Variants in ADAM22 observed in about 807,000 individuals in gnomAD.
ADAM22 encodes the protein ADAM metallopeptidase domain 22, also known as disintegrin and metalloproteinase domain-containing protein 22.
Under a neutral mutation model 144.6 loss-of-function variants are expected in ADAM22, and 65 were observed. The ratio of observed to expected loss-of-function variants is 0.45; its 90% CI spans 0.37 to 0.55. The LOEUF (loss-of-function observed/expected upper bound fraction) is 0.55. Among genes scored for constraint, ADAM22 ranks in the 20% least tolerant of loss-of-function variants. The probability of loss-of-function intolerance (pLI) is 0.00; values close to 1 mark genes in which losing one functional copy is unlikely to be tolerated. For synonymous variants in ADAM22, 391 were observed against 412.6 expected (o/e 0.95, Z 0.63); for missense variants, 974 against 1,184.9 (o/e 0.82, Z 2.61).
intron 23 of ADAM22, among the ~76,000 whole-genome samples, chr7:88,163,471 A>T (rs1842243652): frequency 6.6e-6 from 1 of 152,038 alleles, no homozygotes; most frequent in African/African-American, 2.4e-5. Flanking sequence ...GAACTAGGAG[A>T]TAAATTTTAA....
intron 4 of ADAM22, among the ~76,000 whole-genome samples, chr7:88,090,281 G>A (rs547213779): frequency 1.3e-5 from 2 of 152,282 alleles, no homozygotes; most frequent in South Asian, 4.1e-4. Flanking sequence ...TCAGGTGCAG[G>A]TGTTACAGGT....
Position 88,131,323 on chromosome 7 carries a change from G to T in ADAM22, c.880G>T (p.Ala294Ser). Residue 294 changes from alanine to serine, a missense_variant, in exon 11 of 32, where the codon GCG (alanine) becomes TCG (serine). Physicochemically the swap from Ala to Ser is moderately conservative, Grantham distance 99. Transcript: ENST00000413139. ...AGTATTGGTTGCTATGGAAACCTGG[G>T]CGACTGACAACAAGTTTGCCATATC... ...RIVLVAMETW[A>S]TDNKFAISEN... The T allele has an allele frequency of 6.2e-7, 1 of 1,613,610 alleles. No individual in the cohort carries two copies. The highest frequency in any genetic ancestry group is 8.5e-7 in the Non-Finnish European group (1 of 1,179,812).
intron 26 of ADAM22, among the ~76,000 whole-genome samples, chr7:88,173,988 G>A (rs996355607): frequency 3.3e-5 from 5 of 152,050 alleles, no homozygotes; most frequent in East Asian, 1.9e-4. Context: ...TGGAAATGTC[G>A]GTGAATGTAA....
intron 3 of ADAM22, among the ~76,000 whole-genome samples, chr7:88,059,770 A>G (rs887649312): frequency 6.6e-6 from 1 of 152,252 alleles, no homozygotes; most frequent in African/African-American, 2.4e-5. Flanking sequence ...AAACAAAAAA[A>G]GAAATACTGC....
intron 3 of ADAM22, among the ~76,000 whole-genome samples, chr7:88,063,414 A>G (rs1468593260): frequency 1.3e-5 from 2 of 152,236 alleles, no homozygotes; most frequent in South Asian, 2.1e-4. Context: ...AGGAGAGACA[A>G]GATAAAAACT....
intron 26 of ADAM22, among the ~76,000 whole-genome samples, chr7:88,173,236 T>C (rs1844788370): frequency 6.6e-6 from 1 of 152,080 alleles, no homozygotes; most frequent in Admixed American, 6.6e-5. Flanking sequence ...ATCTCCTTTA[T>C]GTGCCTGATA....
chr7:88,050,870 T>C (rs1156532651), intron 3 of ADAM22, among the ~76,000 whole-genome samples: 2 of 152,200 alleles, frequency 1.3e-5, no homozygotes, highest in African/African-American at 4.8e-5. Flanking sequence ...TTAATTAGAT[T>C]CCATTTGTCA....
intron 30 of ADAM22, among the ~76,000 whole-genome samples, chr7:88,191,330 C>G (rs1849579018): frequency 6.6e-6 from 1 of 152,206 alleles, no homozygotes; most frequent in African/African-American, 2.4e-5. Flanking sequence ...AAGCTAAAAG[C>G]TAATAGCTAA....
At chr7:88,146,399 A>G (rs1382943856) in intron 17 of ADAM22, among the ~76,000 whole-genome samples, 3 of 152,250 alleles carry the variant, frequency 2.0e-5, no homozygotes, top group African/African-American at 7.2e-5. Flanking sequence ...GCCAGAGATT[A>G]TGCTAAGGAC....
intron 3 of ADAM22, among the ~76,000 whole-genome samples, chr7:87,994,972 C>T (rs1211408029): frequency 6.6e-6 from 1 of 152,140 alleles, no homozygotes; most frequent in Non-Finnish European, 1.5e-5. Context: ...GGAATACAGG[C>T]GCCTGCCACC....
chr7:88,120,541 G>A (rs779989580), intron 7 of ADAM22, among the ~76,000 whole-genome samples: 40 of 152,226 alleles, frequency 2.6e-4, no homozygotes, highest in Non-Finnish European at 5.1e-4. Context: ...AGTGTATGTG[G>A]TGGTATCTCA....
At chr7:88,054,588 C>G (rs1393508818) in intron 3 of ADAM22, among the ~76,000 whole-genome samples, 2 of 132,170 alleles carry the variant, frequency 1.5e-5, no homozygotes, top group Non-Finnish European at 3.2e-5. Context: ...AGGTGCCCTC[C>G]TGTGTGTGTG....
intron 8 of ADAM22, among the ~76,000 whole-genome samples, chr7:88,127,719 A>C (rs1369270217): frequency 1.3e-5 from 2 of 152,026 alleles, no homozygotes; most frequent in African/African-American, 4.8e-5. Context: ...GTTTGATTGT[A>C]TACCCTTATC....
At position 88,082,905 on chromosome 7, in the gene ADAM22, G is replaced by T. The variant is rs1216228117; in HGVS notation, c.390+7213G>T. Among the ~76,000 whole-genome samples, 1,038 of 152,188 alleles carry T rather than the reference G, an allele frequency of 6.8e-3. 14 individuals are homozygous for T. The highest frequency in any genetic ancestry group is 0.023 in the African/African-American group (960 of 41,526). On this transcript the variant is annotated intron_variant, in intron 4 of 31. Coordinates refer to ENST00000413139, the MANE Select transcript of ADAM22 (RefSeq NM_001324418.2). ...ACTGTTGGTGGGACTGTAAACTAGTGCAACCATTGTGGAAGTCAGTGTGGC... is the reference window on the plus strand; with the variant it reads ...ACTGTTGGTGGGACTGTAAACTAGTTCAACCATTGTGGAAGTCAGTGTGGC...
chr7:88,022,429 G>A (rs931149048), intron 3 of ADAM22, among the ~76,000 whole-genome samples: 1 of 152,068 alleles, frequency 6.6e-6, no homozygotes, highest in Non-Finnish European at 1.5e-5. Flanking sequence ...TGAGATTTTG[G>A]TCAAGAAATT....
At chr7:88,114,395 C>A (rs1424145527) in intron 5 of ADAM22, among the ~76,000 whole-genome samples, 189 bp from the exon 6 acceptor site, 4 of 151,876 alleles carry the variant, frequency 2.6e-5, no homozygotes, top group African/African-American at 9.7e-5. Context: ...GGTGACTCTA[C>A]CTATAAGGAA....
chr7:87,998,526 G>A lies in ADAM22; in HGVS notation c.323+20114G>A, dbSNP rs183122866. Among the ~76,000 whole-genome samples the A allele has an allele frequency of 3.4e-3, 515 of 152,174 alleles. 15 individuals carry two copies. Among genetic ancestry groups the A allele is most frequent in the Non-Finnish European group, 7.2e-4 (49 of 68,012 alleles). On this transcript the variant is annotated intron_variant, in intron 3 of 31. Coordinates refer to ENST00000413139, the MANE Select transcript of ADAM22 (RefSeq NM_001324418.2). The stretch of plus-strand genomic sequence containing the variant: ...CTGCCTCAGCCTCCCGAGTAGCTGC[G>A]ACTACAGGTGCACGCCACAATGCCT...
intron 26 of ADAM22, among the ~76,000 whole-genome samples, chr7:88,174,577 A>G (rs1290587729): frequency 1.3e-5 from 2 of 152,164 alleles, no homozygotes; most frequent in African/African-American, 2.4e-5. Context: ...AATGAGAATT[A>G]TAAGTGGATT....
At chr7:88,131,931 C>A in intron 11 of ADAM22, 1 of 152,662 alleles carries the variant, frequency 6.6e-6, no homozygotes, top group Non-Finnish European at 1.5e-5. Context: ...AAAGTCAGAG[C>A]TGTTGAAGAA....
Sources: allele counts gnomAD v4.1 joint callset (sites outside exome capture counted in the v4.1 genomes callset), GRCh38; gene constraint gnomAD v4.1.1; transcripts MANE v1.5; gene names NCBI Gene and HGNC (gene_info 2026-07-23, HGNC 2026-07-21).